SEC31A: variants seen among roughly 807,000 people sequenced by gnomAD.
SEC31A encodes SEC31 homolog A, COPII component, also known as protein transport protein Sec31A.
A neutral mutation model predicts 151.0 loss-of-function variants in SEC31A; 70 were observed. The observed-to-expected ratio is 0.46, with a 90% CI of 0.38 to 0.57. The LOEUF (loss-of-function observed/expected upper bound fraction) is 0.57. SEC31A is among the 20% of genes least tolerant of loss of function. The pLI is 0.00. For missense variants in SEC31A, 1,330 were observed against 1,471.2 expected, an observed-to-expected ratio of 0.90 and a Z score of 1.57; for synonymous variants, 475 against 505.9, an observed-to-expected ratio of 0.94 and a Z score of 0.82.
chr4:82,848,705 T>C (rs2149324376), intron 20 of SEC31A, 99 bp downstream of exon 20: 1 of 969,894 alleles, frequency 1.0e-6, no homozygotes, highest in African/African-American at 1.7e-5. Context: ...TTGTCTAGTT[T>C]TACCATATCA....
rs1447991489 is a variant in SEC31A at position 82,857,063 on chromosome 4, T to C, written c.1770A>G (p.Leu590=). The part of the protein sequence containing the change: ...GNFESAVDLC[L]HDNRMADAII... ...TGGCATCGGCCATGCGGTTATCATG[T>C]AAACAAAGGTCAACAGCACTCTCAA... is the stretch of plus-strand genomic sequence containing the variant. Residue 590 remains leucine, a synonymous_variant, in exon 16 of 27, where the codon TTA becomes TTG. Coordinates refer to ENST00000395310, the MANE Select transcript of SEC31A (RefSeq NM_001077207.4). 1 of 1,613,992 alleles carries C rather than the reference T, an allele frequency of 6.2e-7. No homozygotes were observed. Among genetic ancestry groups the C allele is most frequent in the Non-Finnish European group, 8.5e-7 (1 of 1,180,012 alleles).
At chr4:82,874,481 C>T in intron 6 of SEC31A, 130 bp downstream of exon 6, 1 of 862,414 alleles carries the variant, frequency 1.2e-6, no homozygotes, top group Non-Finnish European at 1.7e-6. Flanking sequence ...TTCCTTCTAA[C>T]ATGACTGATT....
chr4:82,824,410 G>T, intron 25 of SEC31A, 145 bp downstream of exon 25: 1 of 746,496 alleles, frequency 1.3e-6, no homozygotes, highest in Non-Finnish European at 2.1e-6. Context: ...TTGCTATGTT[G>T]GCCAGGATGG....
intron 14 of SEC31A, among the ~76,000 whole-genome samples, chr4:82,858,486 G>A (rs1159728848): frequency 1.5e-5 from 2 of 137,680 alleles, no homozygotes; most frequent in African/African-American, 5.3e-5. Flanking sequence ...GGAGGTTGCA[G>A]TGAGTTGAGA....
intron 22 of SEC31A, among the ~76,000 whole-genome samples, chr4:82,836,971 T>C (rs906791173): frequency 1.3e-5 from 2 of 151,622 alleles, no homozygotes; most frequent in Non-Finnish European, 2.9e-5. Flanking sequence ...GATACTCCAA[T>C]ACCATTTACC....
chr4:82,839,004 G>A (rs1035074249), intron 22 of SEC31A, among the ~76,000 whole-genome samples: 1 of 152,204 alleles, frequency 6.6e-6, no homozygotes, highest in Non-Finnish European at 1.5e-5. Context: ...TTGAGATGGA[G>A]TTTTGGTCTT....
chr4:82,848,572 G>T (rs1730745742), intron 20 of SEC31A, among the ~76,000 whole-genome samples: 1 of 152,102 alleles, frequency 6.6e-6, no homozygotes, highest in Non-Finnish European at 1.5e-5. Context: ...TCTCCCTAGA[G>T]AACTTAAAAC....
rs747244767 is a variant in SEC31A at position 82,821,158 on chromosome 4, T to C, written c.3412-50A>G. The C allele has an allele frequency of 3.5e-6, 5 of 1,423,698 alleles. No individual in the cohort carries two copies. In the African/African-American group the frequency reaches 7.0e-5, roughly 20 times the overall value. The allele number at this position is 1,423,698 out of a possible 1,614,324, so 88.2% of individuals were successfully genotyped here. A position where few individuals can be genotyped will look rare whatever the true frequency, so the allele number is the denominator to read the frequency against. ...TATATTTGAACATTAACTTTTAACC[T>C]AAGAACTTGCCCTATCTCATTGCAC... On this transcript the variant is annotated intron_variant, in intron 25 of 26. Transcript: ENST00000395310.
chr4:82,841,597 C>T (rs1393541716), intron 22 of SEC31A, among the ~76,000 whole-genome samples: 2 of 145,214 alleles, frequency 1.4e-5, no homozygotes, highest in East Asian at 2.0e-4. Context: ...GCCGAGATCA[C>T]GCCACTGCAC....
intron 5 of SEC31A, among the ~76,000 whole-genome samples, chr4:82,875,269 G>C (rs1217738985): frequency 6.6e-6 from 1 of 152,122 alleles, no homozygotes; most frequent in Non-Finnish European, 1.5e-5. Flanking sequence ...GGAAGAACAG[G>C]AGAAGACTGT....
chr4:82,885,093 T>C (rs1238072371), intron 1 of SEC31A, among the ~76,000 whole-genome samples: 1 of 152,230 alleles, frequency 6.6e-6, no homozygotes, highest in Non-Finnish European at 1.5e-5. Flanking sequence ...ACTTTTGGTC[T>C]GAATTCCACC....
At chr4:82,844,739 T>C (rs545654432) in intron 20 of SEC31A, among the ~76,000 whole-genome samples, 1 of 152,372 alleles carries the variant, frequency 6.6e-6, no homozygotes, top group South Asian at 2.1e-4. Flanking sequence ...TTGCAATGAA[T>C]GGCAAAAGAT....
At chr4:82,896,946 C>G (rs957759800) in intron 3 of SEC31A, among the ~76,000 whole-genome samples, 1 of 152,142 alleles carries the variant, frequency 6.6e-6, no homozygotes, top group Non-Finnish European at 1.5e-5. Context: ...GCTTCCACCC[C>G]CACCTCCCAC....
intron 12 of SEC31A, among the ~76,000 whole-genome samples, chr4:82,863,006 T>G (rs1408784901): frequency 6.6e-6 from 1 of 152,216 alleles, no homozygotes; most frequent in Non-Finnish European, 1.5e-5. Context: ...CAATATGCAC[T>G]TAAAGTGCAC....
chr4:82,837,586 T>C (rs937376435), intron 22 of SEC31A, among the ~76,000 whole-genome samples: 3 of 152,184 alleles, frequency 2.0e-5, no homozygotes, highest in Non-Finnish European at 4.4e-5. Context: ...GCTCTTGCCA[T>C]GTTGCCTAGG....
At chr4:82,844,989 T>C (rs1182081519) in intron 20 of SEC31A, among the ~76,000 whole-genome samples, 3 of 152,204 alleles carry the variant, frequency 2.0e-5, no homozygotes, top group Non-Finnish European at 4.4e-5. Context: ...TTCAAGTCAA[T>C]TTAAAACTGC....
rs4235054 is a variant in SEC31A at position 82,857,225 on chromosome 4, A to T, written c.1703-95T>A. On this transcript the variant is annotated intron_variant, in intron 15 of 26. Coordinates refer to ENST00000395310, the MANE Select transcript of SEC31A (RefSeq NM_001077207.4). ...CATCTATCAATTTTTATATATATACATGAATGGAGACCACAACACTAATTT... is the reference window on the plus strand; with the variant it reads ...CATCTATCAATTTTTATATATATACTTGAATGGAGACCACAACACTAATTT... The T allele has an allele frequency of 0.53, 526,935 of 990,144 alleles. 148,069 individuals carry two copies. Among genetic ancestry groups the T allele is most frequent in the Admixed American group, 0.64 (22,880 of 35,964 alleles). 61.3% of individuals were successfully genotyped at this position (990,144 alleles called of 1,614,324 possible). A position where few individuals can be genotyped will look rare whatever the true frequency, so the allele number is the denominator to read the frequency against.
At chr4:82,820,021 CAA>C (rs1722974261) in intron 26 of SEC31A, among the ~76,000 whole-genome samples, 7 of 152,060 alleles carry the variant, frequency 4.6e-5, no homozygotes, top group Non-Finnish European at 8.8e-5. Context: ...CTCAGCCTCC[CAA>C]AGTGCTGGGA....
Position 82,851,622 on chromosome 4 carries a change from G to C in SEC31A, c.2155-18C>G. ...ATCAGATCCTAAATGAAAAAAATGA[G>C]TAACAAACAGAAATATCAAGACCAT... On this transcript the variant is annotated intron_variant, in intron 18 of 26. Coordinates refer to ENST00000395310, the MANE Select transcript of SEC31A (RefSeq NM_001077207.4). The C allele has an allele frequency of 6.3e-7, 1 of 1,594,748 alleles. No individual in the cohort carries two copies. The highest frequency in any genetic ancestry group is 8.6e-7 in the Non-Finnish European group (1 of 1,167,024).
Sources: gnomAD v4.1 joint callset for allele counts (sites outside exome capture counted in the v4.1 genomes callset) on GRCh38, gnomAD v4.1.1 for gene constraint, MANE v1.5 for transcripts, NCBI Gene and HGNC (gene_info 2026-07-23, HGNC 2026-07-21) for gene names.